The following SIAH3 variants were observed in gnomAD, a reference collection of about 807,000 sequenced individuals.
SIAH3 encodes the protein siah E3 ubiquitin protein ligase family member 3.
In SIAH3, 9 loss-of-function variants were observed where a neutral mutation model predicts 12.6. The observed-to-expected ratio is 0.72, with a 90% CI of 0.43 to 1.25. The LOEUF (loss-of-function observed/expected upper bound fraction) is 1.25. SIAH3 is among the 50% of genes most tolerant of loss of function. The pLI, the probability that SIAH3 is intolerant of heterozygous loss-of-function variation, is 0.00. For missense variants in SIAH3, 390 were observed against 365.4 expected, an observed-to-expected ratio of 1.07 and a Z score of -0.55; for synonymous variants, 154 against 151.1, an observed-to-expected ratio of 1.02 and a Z score of -0.14.
intron 1 of SIAH3, among the ~76,000 whole-genome samples, chr13:45,817,545 T>A (rs148091889): frequency 1.3e-3 from 205 of 152,320 alleles, no homozygotes; most frequent in African/African-American, 4.8e-3. Context: ...TGGGCCCTAC[T>A]TGCCATCACA....
chr13:45,784,398 G>GTTTTTTTTTTT (rs35686357), intron 1 of SIAH3, among the ~76,000 whole-genome samples: 89 of 65,774 alleles, frequency 1.4e-3, no homozygotes, highest in Non-Finnish European at 1.9e-3. Flanking sequence ...AAAGACAGCT[G>GTTTTTTTTTTT]TTTTTTTTTT....
intron 1 of SIAH3, among the ~76,000 whole-genome samples, chr13:45,795,107 A>C (rs896494579): frequency 3.9e-5 from 6 of 152,162 alleles, no homozygotes; most frequent in African/African-American, 1.2e-4. Context: ...CTTCCTTTTA[A>C]ATATAGCTAA....
intron 1 of SIAH3, among the ~76,000 whole-genome samples, chr13:45,843,034 C>CTCTGTGTGTGTGTGTGTGTGTGTGTGTG (rs560128772): frequency 3.6e-5 from 5 of 139,184 alleles, no homozygotes; most frequent in African/African-American, 1.3e-4. Context: ...CTCTCTCTCT[C>CTCTGTGTGTGTGTGTGTGTGTGTGTGTG]TGTGTGTGTG....
chr13:45,811,934 G>A (rs1426790803), intron 1 of SIAH3, among the ~76,000 whole-genome samples: 1 of 152,198 alleles, frequency 6.6e-6, no homozygotes, highest in Non-Finnish European at 1.5e-5. Context: ...TTAGTTATGA[G>A]AAGGGTTCTG....
intron 1 of SIAH3, among the ~76,000 whole-genome samples, chr13:45,786,844 C>G (rs1423133370): frequency 6.6e-6 from 1 of 152,168 alleles, no homozygotes; most frequent in Non-Finnish European, 1.5e-5. Context: ...AGTCCCAGTG[C>G]TGACCTGTGA....
At position 45,797,448 on chromosome 13, in the gene SIAH3, C is replaced by T. The variant is rs80098552; in HGVS notation, c.136-13391G>A. Among the ~76,000 whole-genome samples the T allele has an allele frequency of 1.9e-3, 291 of 152,308 alleles. 2 individuals carry two copies. In the Middle Eastern group the frequency reaches 0.02, roughly 11 times the overall value. ...AGGGGATGTTGTAGAAGGGAAGGTA[C>T]ATGCACAGCTTCAACGGATCCAAAG... On this transcript the variant is annotated intron_variant, in intron 1 of 1. Transcript: ENST00000400405.
chr13:45,792,207 T>C (rs1359539), intron 1 of SIAH3, among the ~76,000 whole-genome samples: 6 of 151,920 alleles, frequency 3.9e-5, no homozygotes, highest in Non-Finnish European at 7.4e-5. Flanking sequence ...TTTCAGGGGT[T>C]GGGGTATAAG....
chr13:45,840,398 A>T (rs966267094), intron 1 of SIAH3, among the ~76,000 whole-genome samples: 2 of 152,232 alleles, frequency 1.3e-5, no homozygotes, highest in African/African-American at 4.8e-5. Context: ...AGGATTTTTT[A>T]AAAGGCAATT....
chr13:45,800,949 G>A lies in SIAH3; in HGVS notation c.136-16892C>T, dbSNP rs117652054. ...ACAAGAGGGAAAGGGATGAAACCTC[G>A]CTTCCACAATGATCCCATGAGAAGG... On this transcript the variant is annotated intron_variant, in intron 1 of 1. Transcript: ENST00000400405. 1.6e-4 allele frequency among the ~76,000 whole-genome samples: 24 copies of A among 152,150 alleles called. 1 individual carries two copies. In the East Asian group the frequency reaches 2.9e-3, roughly 18 times the overall value.
intron 1 of SIAH3, among the ~76,000 whole-genome samples, chr13:45,803,989 T>C (rs1042747472): frequency 6.6e-6 from 1 of 152,174 alleles, no homozygotes; most frequent in Admixed American, 6.5e-5. Flanking sequence ...TACAACCGAT[T>C]TGTAGAGATA....
At chr13:45,845,309 C>G (rs1484576623) in intron 1 of SIAH3, among the ~76,000 whole-genome samples, 2 of 151,740 alleles carry the variant, frequency 1.3e-5, no homozygotes, top group Admixed American at 6.6e-5. Context: ...AAGAGATGTC[C>G]TTTCTGTACA....
intron 1 of SIAH3, among the ~76,000 whole-genome samples, chr13:45,841,431 G>T (rs1484313849): frequency 1.3e-5 from 2 of 152,184 alleles, no homozygotes; most frequent in African/African-American, 4.8e-5. Context: ...GGGAGCCAGG[G>T]CCTACCGTTT....
At chr13:45,811,601 T>G (rs1458347581) in intron 1 of SIAH3, among the ~76,000 whole-genome samples, 4 of 152,276 alleles carry the variant, frequency 2.6e-5, no homozygotes, top group African/African-American at 9.6e-5. Context: ...TAGCTGGGAC[T>G]ACAGGGGCAT....
chr13:45,811,842 G>C (rs1248114893), intron 1 of SIAH3, among the ~76,000 whole-genome samples: 1 of 152,130 alleles, frequency 6.6e-6, no homozygotes, highest in Non-Finnish European at 1.5e-5. Context: ...CTGACCTAGG[G>C]ACTGGAGGTC....
chr13:45,842,646 C>A (rs1044343077), intron 1 of SIAH3, among the ~76,000 whole-genome samples: 19 of 152,288 alleles, frequency 1.2e-4, no homozygotes, highest in African/African-American at 4.1e-4. Context: ...CCGTGCCTGG[C>A]CTGTACATCG....
chr13:45,848,425 G>T (rs905082259), intron 1 of SIAH3, among the ~76,000 whole-genome samples: 1 of 152,236 alleles, frequency 6.6e-6, no homozygotes, highest in African/African-American at 2.4e-5. Flanking sequence ...CTTCAGGGGT[G>T]TAATGGCTTT....
At chr13:45,806,668 C>T (rs1391614571) in intron 1 of SIAH3, among the ~76,000 whole-genome samples, 1 of 152,190 alleles carries the variant, frequency 6.6e-6, no homozygotes, top group African/African-American at 2.4e-5. Context: ...GCCTTAGTGA[C>T]ACGTCATTTA....
chr13:45,835,994 C>T (rs1950716385), intron 1 of SIAH3, among the ~76,000 whole-genome samples: 1 of 152,202 alleles, frequency 6.6e-6, no homozygotes, highest in Admixed American at 6.5e-5. Context: ...CCTACATCTA[C>T]TATGCACCCA....
chr13:45,801,679 T>A (rs1404603780), intron 1 of SIAH3, among the ~76,000 whole-genome samples: 1 of 152,170 alleles, frequency 6.6e-6, no homozygotes, highest in East Asian at 1.9e-4. Flanking sequence ...TCCTATGCCA[T>A]CTCTCTGGTC....
Sources: allele counts gnomAD v4.1 joint callset (sites outside exome capture counted in the v4.1 genomes callset), GRCh38; gene constraint gnomAD v4.1.1; transcripts MANE v1.5; gene names NCBI Gene and HGNC (gene_info 2026-07-23, HGNC 2026-07-21).